The following FER1L5 variants were observed in gnomAD, a reference collection of about 807,000 sequenced individuals.
The protein encoded by FER1L5 is fer-1 like family member 5, also known as fer-1-like protein 5.
A neutral mutation model predicts 279.9 loss-of-function variants in FER1L5; 187 were observed. The observed-to-expected ratio is 0.67, with a 90% confidence interval of 0.59 to 0.75. The LOEUF (loss-of-function observed/expected upper bound fraction) is 0.75. Among genes scored for constraint, FER1L5 ranks in the 30% least tolerant of loss-of-function variants. FER1L5 has a pLI of 0.00. For synonymous variants in FER1L5, 921 were observed against 989.7 expected (o/e 0.93, Z 1.30); for missense variants, 2,091 against 2,594.4 (o/e 0.81, Z 4.21).
chr2:96,662,038 C>T (rs967797312), intron 12 of FER1L5, among the ~76,000 whole-genome samples, 177 bp from the exon 13 acceptor site: 1 of 152,140 alleles, frequency 6.6e-6, no homozygotes, highest in African/African-American at 2.4e-5. Context: ...CCTATGTCCC[C>T]CCACCCCATG....
Position 96,694,442 on chromosome 2 carries a change from C to A in FER1L5, c.3719C>A (p.Thr1240Lys). 6.5e-7 allele frequency: 1 copy of A among 1,547,240 alleles called. No individual in the cohort carries two copies. The highest frequency in any genetic ancestry group is 2.5e-5 in the East Asian group (1 of 40,754). The change falls in exon 34 of 53, where the codon ACG becomes AAG. Residue 1240 changes from threonine to lysine, a missense_variant. By Grantham distance (78) the Thr-to-Lys change is moderately conservative. Transcript: ENST00000624922. This position sits in a 1 kb window ranked among gnomAD's most constrained non-coding sequence, Gnocchi z 4.6. Reference sequence around the variant, plus strand: ...ACACTCCCCAAGAGCATCCAGCCCACGATAAAGAGGATGGCCATTGAGGTG... The same window carrying A: ...ACACTCCCCAAGAGCATCCAGCCCAAGATAAAGAGGATGGCCATTGAGGTG... The part of the protein sequence containing the change: ...AYTLPKSIQP[T>K]IKRMAIEILA...
intron 19 of FER1L5, among the ~76,000 whole-genome samples, chr2:96,678,472 C>T (rs1189123897): frequency 6.6e-6 from 1 of 151,694 alleles, no homozygotes; most frequent in Non-Finnish European, 1.5e-5. Context: ...CTCGCTCTGA[C>T]ACCCAAGCTG....
Position 96,698,187 on chromosome 2 carries a change from G to GGCTCCTTGTGCACCT in FER1L5, c.4356+31_4356+32insGCTCCTTGTGCACCT. On this transcript the variant is annotated intron_variant, in intron 40 of 52. Transcript: ENST00000624922. The surrounding 1 kb of genome is among the most constrained non-coding windows in gnomAD (Gnocchi z 5.5). ...TGTCCACCCCAGCTTAGCTGCCCCT[G>GGCTCCTTGTGCACCT]TCTCCTTGTGCACCTTCTGTCCCTG... 1 of 1,545,616 alleles carries GGCTCCTTGTGCACCT rather than the reference G, an allele frequency of 6.5e-7. No homozygotes were observed. The highest frequency in any genetic ancestry group is 8.7e-7 in the Non-Finnish European group (1 of 1,143,662).
chr2:96,699,923 C>G lies in FER1L5; in HGVS notation c.4782-9C>G, dbSNP rs1204781129. On this transcript the variant is annotated splice_polypyrimidine_tract_variant and intron_variant, in intron 43 of 52. Coordinates refer to ENST00000624922, the MANE Select transcript of FER1L5 (RefSeq NM_001293083.2). Reference sequence around the variant, plus strand: ...ACCTCCAGACCTCTTCCTCTCACATCCCCCACAGGTCAGGGCCCTTTAGAT... The same window carrying G: ...ACCTCCAGACCTCTTCCTCTCACATGCCCCACAGGTCAGGGCCCTTTAGAT... The G allele has an allele frequency of 1.2e-6, 2 of 1,612,832 alleles. No individual in the cohort carries two copies. Among genetic ancestry groups the G allele is most frequent in the Non-Finnish European group, 1.7e-6 (2 of 1,179,486 alleles).
chr2:96,688,823 G>A (rs2077032232), intron 24 of FER1L5: 1 of 183,074 alleles, frequency 5.5e-6, no homozygotes, highest in South Asian at 1.1e-4. Context: ...ACCCTGGGGA[G>A]CCTAGCCCTC....
chr2:96,688,435 A>G (rs1363422293), intron 24 of FER1L5, among the ~76,000 whole-genome samples: 5 of 152,150 alleles, frequency 3.3e-5, no homozygotes, highest in Non-Finnish European at 7.4e-5. Context: ...GATCTGAGGC[A>G]TCTGCCCACA....
rs1470184835 is a variant in FER1L5, at chr2:96,687,804, C to A, written c.2230-12C>A. The A allele has an allele frequency of 2.5e-5, 39 of 1,550,866 alleles. No homozygotes were observed. The highest frequency in any genetic ancestry group is 3.2e-5 in the Non-Finnish European group (37 of 1,146,910). On this transcript the variant is annotated splice_polypyrimidine_tract_variant and intron_variant, in intron 23 of 52. Transcript: ENST00000624922. ...TTAGTGCCCCTGTGGGACCGATCGG[C>A]CTCTGGCTCAGTACCCAGAGGGTGA...
At chr2:96,643,629 C>T (rs2074980240) in intron 1 of FER1L5, among the ~76,000 whole-genome samples, 1 of 151,774 alleles carries the variant, frequency 6.6e-6, no homozygotes, top group South Asian at 2.1e-4. Context: ...GGATTACAGG[C>T]GTGAGCCACC....
chr2:96,690,101 T>C (rs1202765598), intron 26 of FER1L5, among the ~76,000 whole-genome samples: 1 of 152,200 alleles, frequency 6.6e-6, no homozygotes, highest in Non-Finnish European at 1.5e-5. Flanking sequence ...GGAAATCTTC[T>C]ATATCTGCAC....
chr2:96,659,346 C>CTTCTTTCTTTCTTTCTTTCT (rs1573815331), intron 9 of FER1L5, among the ~76,000 whole-genome samples: 1 of 78,374 alleles, frequency 1.3e-5, no homozygotes, highest in East Asian at 4.6e-4. Context: ...TCCTTCCTTC[C>CTTCTTTCTTTCTTTCTTTCT]TTCCTTCCTT....
At chr2:96,679,970 C>T (rs1309594966) in intron 19 of FER1L5, among the ~76,000 whole-genome samples, 1 of 152,094 alleles carries the variant, frequency 6.6e-6, no homozygotes, top group Admixed American at 6.6e-5. Context: ...AGCTCCTGAG[C>T]TCCTTCAGGG....
intron 19 of FER1L5, among the ~76,000 whole-genome samples, chr2:96,678,472 CA>C (rs2076594256): frequency 6.6e-6 from 1 of 151,694 alleles, no homozygotes; most frequent in Admixed American, 6.6e-5. Flanking sequence ...CTCGCTCTGA[CA>C]CCCAAGCTGG....
intron 31 of FER1L5, among the ~76,000 whole-genome samples, chr2:96,693,073 G>C (rs2077220215): frequency 6.6e-6 from 1 of 152,012 alleles, no homozygotes; most frequent in Non-Finnish European, 1.5e-5. Context: ...CTATTCGGGA[G>C]GCTGAGGCAG....
At position 96,692,115 on chromosome 2, in the gene FER1L5, T is replaced by C. The variant is rs554128005; in HGVS notation, c.3226T>C (p.Tyr1076His). Residue 1076 changes from tyrosine (Y) to histidine (H), a missense_variant, in exon 31 of 53, where the codon TAC (tyrosine) becomes CAC (histidine). By Grantham distance (83) the Tyr-to-His change is moderately conservative. Coordinates refer to ENST00000624922, the MANE Select transcript of FER1L5 (RefSeq NM_001293083.2). ...IYCTFNKPHY[Y>H]QLFCYIYQAR... ...TTCTCTTTCCCCAGAGCCCCACTAC[T>C]ACCAGCTCTTCTGCTACATCTACCA... The C allele has an allele frequency of 6.4e-7, 1 of 1,551,416 alleles. No individual in the cohort carries two copies. Among genetic ancestry groups the C allele is most frequent in the African/African-American group, 1.4e-5 (1 of 73,088 alleles).
chr2:96,686,289 C>G lies in FER1L5; in HGVS notation c.2168C>G (p.Ser723Cys). 3 of 1,551,610 alleles carry G rather than the reference C, an allele frequency of 1.9e-6. No individual in the cohort carries two copies. Among genetic ancestry groups the G allele is most frequent in the Non-Finnish European group, 1.7e-6 (2 of 1,146,982 alleles). Residue 723 changes from serine (S) to cysteine (C), a missense_variant, in exon 23 of 53, where the codon TCC becomes TGC. Transcript: ENST00000624922. ...GTGCCTGCCCACTCCGTCCTCTTCT[C>G]CCCGGCAGGGGCTCTGCACTCCGGC... ...AQVPAHSVLF[S>C]PAGALHSGRL...
At chr2:96,653,386 G>T in intron 7 of FER1L5, 2 of 484,984 alleles carry the variant, frequency 4.1e-6, no homozygotes, top group Non-Finnish European at 7.3e-6. Flanking sequence ...TCGTAATAAT[G>T]AAAATCTGAA....
At chr2:96,679,177 C>G (rs147741468) in intron 19 of FER1L5, among the ~76,000 whole-genome samples, 1 of 151,726 alleles carries the variant, frequency 6.6e-6, no homozygotes, top group African/African-American at 2.4e-5. Flanking sequence ...ATGGCGAGAT[C>G]CTACAGAAAT....
intron 13 of FER1L5, among the ~76,000 whole-genome samples, chr2:96,662,707 A>G (rs2075996795): frequency 6.6e-6 from 1 of 152,164 alleles, no homozygotes; most frequent in South Asian, 2.1e-4. Flanking sequence ...AGTTAAACAG[A>G]TATTTTCCAT....
chr2:96,698,255 A>G lies in FER1L5; in HGVS notation c.4356+99A>G. 6.9e-7 allele frequency: 1 copy of G among 1,455,232 alleles called. No homozygotes were observed. Among genetic ancestry groups the G allele is most frequent in the Non-Finnish European group, 9.2e-7 (1 of 1,092,656 alleles). 90.1% of individuals were successfully genotyped at this position (1,455,232 alleles called of 1,614,324 possible). Reference sequence around the variant, plus strand: ...CTGGCTCTATATGCTCATTGTGAAGATGGAGCAGGGCTTGAGAACGTTCTG... The same window carrying G: ...CTGGCTCTATATGCTCATTGTGAAGGTGGAGCAGGGCTTGAGAACGTTCTG... On this transcript the variant is annotated intron_variant, in intron 40 of 52. Transcript: ENST00000624922. The surrounding 1 kb of genome is among the most constrained non-coding windows in gnomAD (Gnocchi z 5.5).
Sources: allele counts gnomAD v4.1 joint callset (sites outside exome capture counted in the v4.1 genomes callset), GRCh38; gene constraint gnomAD v4.1.1; non-coding constraint Gnocchi (gnomAD v3.1); transcripts MANE v1.5; gene names NCBI Gene and HGNC (gene_info 2026-07-23, HGNC 2026-07-21).